The following SLC4A4 variants were observed in gnomAD, a reference collection of about 807,000 sequenced individuals.
SLC4A4 encodes solute carrier family 4 member 4.
SLC4A4 carries 27 observed loss-of-function variants against 111.5 expected under a neutral mutation model. That is an observed-to-expected ratio of 0.24 (90% CI 0.18 to 0.33). The LOEUF (loss-of-function observed/expected upper bound fraction) is 0.33. Ranked by LOEUF, SLC4A4 falls within the 10% of genes least tolerant of loss-of-function variation. The pLI, the probability that SLC4A4 is intolerant of heterozygous loss-of-function variation, is 1.00. For missense variants in SLC4A4, 909 were observed against 1,315.5 expected, an observed-to-expected ratio of 0.69 and a Z score of 4.78; for synonymous variants, 443 against 463.4, an observed-to-expected ratio of 0.96 and a Z score of 0.57.
chr4:71,155,734 G>A (rs113922145), intron 2 of SLC4A4, among the ~76,000 whole-genome samples: 1,552 of 152,208 alleles, frequency 0.01, 10 homozygotes, highest in Non-Finnish European at 0.015. Context: ...AAAGAGCTGG[G>A]ATTACAAGCA....
intron 3 of SLC4A4, among the ~76,000 whole-genome samples, chr4:71,311,934 A>AGAGAG (rs56836673): frequency 1.5e-5 from 2 of 131,904 alleles, no homozygotes; most frequent in South Asian, 2.6e-4. Flanking sequence ...AGAGAGAGAG[A>AGAGAG]AGGAGATAGA....
intron 3 of SLC4A4, among the ~76,000 whole-genome samples, chr4:71,317,492 C>T (rs2148862884): frequency 6.6e-6 from 1 of 152,104 alleles, no homozygotes; most frequent in Non-Finnish European, 1.5e-5. Flanking sequence ...GGCTCAATCC[C>T]AAGCTTAGTG....
chr4:71,428,070 C>T (rs1262531405), intron 7 of SLC4A4, among the ~76,000 whole-genome samples: 1 of 152,116 alleles, frequency 6.6e-6, no homozygotes, highest in Non-Finnish European at 1.5e-5. Context: ...AAATTGGCCA[C>T]ATTCCCTGAG....
At position 71,081,174 on chromosome 4, in the gene SLC4A4, T is replaced by G. The variant is rs1232292879; in HGVS notation, c.-64-11556T>G. Among the ~76,000 whole-genome samples the G allele has an allele frequency of 2.6e-5, 4 of 152,240 alleles. No individual in the cohort carries two copies. The East Asian group carries it at 5.8e-4, about 22-fold the overall frequency. On this transcript the variant is annotated intron_variant, in intron 1 of 26. Coordinates refer to the SLC4A4 transcript ENST00000649996. Reference sequence around the variant, plus strand: ...TTGAACATCTCTGCCTTTCCCACCCTGAGAGTACAAAAGCATTCACATCTT... The same window carrying G: ...TTGAACATCTCTGCCTTTCCCACCCGGAGAGTACAAAAGCATTCACATCTT...
At chr4:71,147,349 T>C (rs998776043) in intron 2 of SLC4A4, among the ~76,000 whole-genome samples, 2 of 152,174 alleles carry the variant, frequency 1.3e-5, no homozygotes, top group Non-Finnish European at 2.9e-5. Flanking sequence ...CTTCTTTTCA[T>C]CCTCCTCACC....
At chr4:71,283,584 G>A (rs1170684046) in intron 3 of SLC4A4, among the ~76,000 whole-genome samples, 1 of 152,170 alleles carries the variant, frequency 6.6e-6, no homozygotes, top group East Asian at 1.9e-4. Flanking sequence ...TAGGCTGTCA[G>A]GGGAGTGGTT....
In SLC4A4 at chr4:71,298,831, G is replaced by T. The variant is rs2579338; in HGVS notation, c.254-40539G>T. Among the ~76,000 whole-genome samples, 170 of 152,240 alleles carry T rather than the reference G, an allele frequency of 1.1e-3. 1 individual carries two copies. The South Asian group carries it at 0.012, about 11-fold the overall frequency. On this transcript the variant is annotated intron_variant, in intron 3 of 25. Coordinates refer to ENST00000264485, the MANE Select transcript of SLC4A4 (RefSeq NM_001098484.3). Reference sequence around the variant, plus strand: ...ATTTGGTTTTCATTCTTCTGGCCTCGTAGATGAGTGGCCAGTTTCATTTCA... The same window carrying T: ...ATTTGGTTTTCATTCTTCTGGCCTCTTAGATGAGTGGCCAGTTTCATTTCA...
intron 2 of SLC4A4, among the ~76,000 whole-genome samples, chr4:71,132,814 A>T (rs968253343): frequency 1.3e-5 from 2 of 152,198 alleles, no homozygotes; most frequent in African/African-American, 4.8e-5. Flanking sequence ...ACCCTAAGCA[A>T]TCCAGTAATC....
At chr4:71,384,202 T>C (rs1384543947) in intron 6 of SLC4A4, among the ~76,000 whole-genome samples, 1 of 152,178 alleles carries the variant, frequency 6.6e-6, no homozygotes, top group Non-Finnish European at 1.5e-5. Flanking sequence ...TTTAGCTGAA[T>C]TGCGTAATTA....
chr4:71,181,556 G>A (rs926665773), intron 2 of SLC4A4, among the ~76,000 whole-genome samples: 1 of 152,134 alleles, frequency 6.6e-6, no homozygotes, highest in African/African-American at 2.4e-5. Context: ...GATGTCATAA[G>A]GAATTTGTGA....
intron 1 of SLC4A4, among the ~76,000 whole-genome samples, chr4:71,197,652 C>A (rs1045701105): frequency 1.3e-5 from 2 of 152,100 alleles, no homozygotes; most frequent in African/African-American, 4.8e-5. Flanking sequence ...GTGCAGCACA[C>A]CAACATGGCA....
intron 2 of SLC4A4, among the ~76,000 whole-genome samples, chr4:71,145,229 G>T (rs1042218091): frequency 6.6e-6 from 1 of 151,926 alleles, no homozygotes; most frequent in Non-Finnish European, 1.5e-5. Flanking sequence ...TCTTTGGTTC[G>T]TTTATATGCT....
At chr4:71,463,539 A>G (rs1727033409) in intron 12 of SLC4A4, among the ~76,000 whole-genome samples, 1 of 152,192 alleles carries the variant, frequency 6.6e-6, no homozygotes, top group Non-Finnish European at 1.5e-5. Context: ...CTGTGTTTCA[A>G]GATTGTCAGC....
At chr4:71,199,215 TCAG>T (rs1240245026) in intron 1 of SLC4A4, among the ~76,000 whole-genome samples, 1 of 152,220 alleles carries the variant, frequency 6.6e-6, no homozygotes, top group Non-Finnish European at 1.5e-5. Flanking sequence ...TTTACTGGCC[TCAG>T]CATGTCTTAT....
rs1048387159 is a variant in SLC4A4 at position 71,557,588 on chromosome 4, C to A, written c.2764-124C>A. The A allele has an allele frequency of 2.5e-5, 23 of 930,230 alleles. No homozygotes were observed. In the African/African-American group the frequency reaches 3.3e-4, roughly 13 times the overall value. The allele number at this position is 930,230 out of a possible 1,614,324, so 57.6% of individuals were successfully genotyped here. ...AAATTTCTGCATTCCTTGACCATTC[C>A]TTTGTCCTCTGAAAAGGACACTGCT... On this transcript the variant is annotated intron_variant, in intron 21 of 25. Transcript: ENST00000264485.
intron 15 of SLC4A4, among the ~76,000 whole-genome samples, chr4:71,489,143 C>T (rs544361918): frequency 6.6e-6 from 1 of 151,858 alleles, no homozygotes; most frequent in African/African-American, 2.4e-5. Flanking sequence ...ATAATTCTCA[C>T]AATCACTTTA....
At chr4:71,447,589 T>A in intron 8 of SLC4A4, 57 bp from the exon 9 acceptor site, 1 of 1,036,236 alleles carries the variant, frequency 9.7e-7, no homozygotes, top group South Asian at 1.3e-5. Flanking sequence ...CAGTTTTATG[T>A]ATGTTGAGTT....
At position 71,293,130 on chromosome 4, in the gene SLC4A4, C is replaced by T. The variant is rs558100052; in HGVS notation, c.253+37731C>T. Among the ~76,000 whole-genome samples the T allele has an allele frequency of 2.5e-4, 37 of 150,858 alleles. No homozygotes were observed. The South Asian group carries it at 3.2e-3, about 13-fold the overall frequency. On this transcript the variant is annotated intron_variant, in intron 3 of 25. Coordinates refer to ENST00000264485, the MANE Select transcript of SLC4A4 (RefSeq NM_001098484.3). ...TGCTGGGATTACAGGCGTGAGCCAC[C>T]GCACCCGGCCTCAATTTTGTTTTTA... is the stretch of plus-strand genomic sequence containing the variant.
intron 2 of SLC4A4, among the ~76,000 whole-genome samples, chr4:71,170,863 T>C (rs1203127607): frequency 6.6e-6 from 1 of 152,200 alleles, no homozygotes; most frequent in Non-Finnish European, 1.5e-5. Flanking sequence ...TTAAATTGGA[T>C]ATTTTAAAAT....
Sources: allele counts gnomAD v4.1 joint callset (sites outside exome capture counted in the v4.1 genomes callset), GRCh38; gene constraint gnomAD v4.1.1; transcripts MANE v1.5; gene names NCBI Gene and HGNC (gene_info 2026-07-23, HGNC 2026-07-21).